The following IRGM variants were observed in gnomAD, a reference collection of about 807,000 sequenced individuals.
The protein encoded by IRGM is immunity-related GTPase family M protein.
For synonymous variants in IRGM, 98 were observed against 80.6 expected (o/e 1.22, Z -1.16); for missense variants, 288 against 219.9 (o/e 1.31, Z -1.96).
At chr5:150,895,246 T>C (rs538839586) in intron 3 of IRGM, 751 of 509,794 alleles carry the variant, frequency 1.5e-3, no homozygotes, top group Non-Finnish European at 1.8e-3. Flanking sequence ...ATGTTCTTCA[T>C]TTATATAACT....
At chr5:150,859,545 T>G (rs922907296) in intron 1 of IRGM, among the ~76,000 whole-genome samples, 2 of 152,214 alleles carry the variant, frequency 1.3e-5, no homozygotes, top group Non-Finnish European at 2.9e-5. Flanking sequence ...TGGCTGTGAA[T>G]CCATCTGGTC....
rs909230300 is a variant in IRGM, at chr5:150,890,668, A to G, written c.*141-9921A>G. ...TTGATATAGTTGTGTTTTTATTTTC[A>G]TTAAGTTCAAAATGCTTCATTTCCT... On this transcript the variant is annotated intron_variant and NMD_transcript_variant, in intron 3 of 3. Coordinates refer to the IRGM transcript ENST00000520549. Among the ~76,000 whole-genome samples the G allele has an allele frequency of 6.7e-5, 10 of 149,976 alleles. No individual in the cohort carries two copies. The East Asian group carries it at 1.7e-3, about 26-fold the overall frequency.
At chr5:150,855,657 G>A (rs112678962) in intron 1 of IRGM, among the ~76,000 whole-genome samples, 486 of 152,300 alleles carry the variant, frequency 3.2e-3, no homozygotes, top group Non-Finnish European at 4.7e-3. Flanking sequence ...TTCACCACCT[G>A]TAGTTTGAGT....
At chr5:150,879,459 A>T (rs1450637822) in intron 2 of IRGM, 1 of 152,046 alleles carries the variant, frequency 6.6e-6, no homozygotes, top group Non-Finnish European at 1.5e-5. Context: ...AATGAAAGCA[A>T]TGTATTCATT....
chr5:150,880,472 C>CCTT (rs1299158825), intron 3 of IRGM, among the ~76,000 whole-genome samples: 17 of 152,302 alleles, frequency 1.1e-4, no homozygotes, highest in Admixed American at 9.8e-4. Flanking sequence ...CAGACACTAA[C>CCTT]CTTCTCAGGA....
downstream of IRGM, among the ~76,000 whole-genome samples, chr5:150,852,786 TCAAA>T (rs994768606): frequency 2.0e-5 from 3 of 152,008 alleles, no homozygotes; most frequent in African/African-American, 4.8e-5. Context: ...AGCAGAAGAA[TCAAA>T]CAACTATTTC....
rs1397537399 is a variant in IRGM at position 150,890,437 on chromosome 5, A to G, written c.*141-10152A>G. On this transcript the variant is annotated intron_variant and NMD_transcript_variant, in intron 3 of 3. Transcript: ENST00000520549. ...GTCTGACATATCTATCTTCTCAAAC[A>G]GTCAGCTTTTGATGTATTTTCTTTT... is the stretch of plus-strand genomic sequence containing the variant. 1.1e-4 allele frequency among the ~76,000 whole-genome samples: 16 copies of G among 151,818 alleles called. 1 individual carries two copies. The highest frequency in any genetic ancestry group is 1.1e-3 in the Admixed American group (16 of 15,210).
chr5:150,858,325 G>T (rs1001375326), intron 1 of IRGM, among the ~76,000 whole-genome samples: 7 of 152,132 alleles, frequency 4.6e-5, no homozygotes, highest in African/African-American at 1.7e-4. Flanking sequence ...TTTGGTTACT[G>T]TAGCCTTGTA....
At position 150,856,320 on chromosome 5, in the gene IRGM, A is replaced by T. The variant is rs564935519; in HGVS notation, c.158+7666A>T. Among the ~76,000 whole-genome samples the T allele has an allele frequency of 2.2e-3, 339 of 152,246 alleles. 1 individual carries two copies. Among genetic ancestry groups the T allele is most frequent in the African/African-American group, 7.8e-3 (324 of 41,534 alleles). On this transcript the variant is annotated intron_variant and NMD_transcript_variant, in intron 1 of 3. Transcript: ENST00000520549. ...GTGGTGTGCACCTGTGGTCCCAGCT[A>T]TTCAGGAGGCTGAGGCAGGAGGATT...
intron 1 of IRGM, among the ~76,000 whole-genome samples, chr5:150,857,381 G>A (rs552695455): frequency 6.6e-6 from 1 of 151,340 alleles, no homozygotes; most frequent in South Asian, 2.1e-4. Flanking sequence ...GAATAGTGCC[G>A]CAATAAACAT....
At position 150,848,306 on chromosome 5, in the gene IRGM, G is replaced by A. The variant is rs760441854; in HGVS notation, c.183G>A (p.Lys61=). The change falls in exon 2 of 2, where the codon AAG becomes AAA. Residue 61 remains lysine, a synonymous_variant. Coordinates refer to ENST00000522154, the MANE Select transcript of IRGM (RefSeq NM_001145805.2). ...TTCGAAACACAGGACATGAGGGTAA[G>A]GCCTCACCTCCTACTGAGCTGGTAA... ...SALRNTGHEG[K]ASPPTELVKA... is the part of the protein sequence containing the mutation. 33 of 1,551,664 alleles carry A rather than the reference G, an allele frequency of 2.1e-5. 1 individual carries two copies. In the South Asian group the frequency reaches 3.1e-4, roughly 15 times the overall value.
downstream of IRGM, among the ~76,000 whole-genome samples, chr5:150,851,199 G>A (rs546069886): frequency 9.2e-5 from 14 of 152,274 alleles, no homozygotes; most frequent in African/African-American, 3.4e-4. Flanking sequence ...GCAACCTGGT[G>A]ATCTGATTAC....
At chr5:150,859,393 T>C (rs1322961347) in intron 1 of IRGM, among the ~76,000 whole-genome samples, 1 of 152,230 alleles carries the variant, frequency 6.6e-6, no homozygotes, top group Non-Finnish European at 1.5e-5. Context: ...ATTCTCTTTT[T>C]TGGCTGTGTC....
chr5:150,866,027 G>A (rs1184444425), intron 1 of IRGM, among the ~76,000 whole-genome samples: 2 of 152,216 alleles, frequency 1.3e-5, no homozygotes, highest in Non-Finnish European at 1.5e-5. Context: ...AAAGTGCTAG[G>A]ATTAGAGGCG....
At chr5:150,893,333 ACT>A (rs1292670328) in intron 3 of IRGM, among the ~76,000 whole-genome samples, 2 of 152,132 alleles carry the variant, frequency 1.3e-5, no homozygotes, top group Admixed American at 6.6e-5. Context: ...CTTAATTACC[ACT>A]GTTTTATAAG....
downstream of IRGM, among the ~76,000 whole-genome samples, chr5:150,849,630 T>A (rs1419369891): frequency 7.1e-6 from 1 of 141,516 alleles, no homozygotes; most frequent in Admixed American, 7.3e-5. Context: ...TTTTTTGAGA[T>A]GGGTTCTTGC....
intron 3 of IRGM, chr5:150,900,459 CT>C (rs1434448961): frequency 6.6e-6 from 1 of 152,090 alleles, no homozygotes; most frequent in African/African-American, 2.4e-5. Context: ...TTGTTCCCCC[CT>C]CTCTGCTATA....
chr5:150,890,556 T>C (rs1227510638), intron 3 of IRGM, among the ~76,000 whole-genome samples: 1 of 139,676 alleles, frequency 7.2e-6, no homozygotes, highest in African/African-American at 3.1e-5. Context: ...AGAAACTGAT[T>C]CATTGAGACT....
chr5:150,897,397 C>T (rs1754833345), intron 3 of IRGM: 1 of 157,694 alleles, frequency 6.3e-6, no homozygotes, highest in Admixed American at 6.4e-5. Context: ...CATCTATTTT[C>T]CTAACAACTA....
Sources: allele counts gnomAD v4.1 joint callset (sites outside exome capture counted in the v4.1 genomes callset), GRCh38; gene constraint gnomAD v4.1.1; transcripts MANE v1.5; gene names NCBI Gene and HGNC (gene_info 2026-07-23, HGNC 2026-07-21).